Variants in GRID2 observed in about 807,000 individuals in gnomAD.
The protein encoded by GRID2 is glutamate ionotropic receptor delta type subunit 2.
A neutral mutation model predicts 114.8 loss-of-function variants in GRID2; 33 were observed. The observed-to-expected ratio is 0.29, with a 90% CI of 0.22 to 0.38. The LOEUF is 0.38. Among genes scored for constraint, GRID2 ranks in the 10% least tolerant of loss-of-function variants. The pLI, the probability that GRID2 is intolerant of heterozygous loss-of-function variation, is 1.00. For synonymous variants in GRID2, 505 were observed against 449.9 expected, an observed-to-expected ratio of 1.12 and a Z score of -1.55; for missense variants, 1,184 against 1,257.7, an observed-to-expected ratio of 0.94 and a Z score of 0.89.
At chr4:93,079,019 A>T (rs932245724) in intron 2 of GRID2, among the ~76,000 whole-genome samples, 4 of 150,760 alleles carry the variant, frequency 2.7e-5, no homozygotes, top group African/African-American at 9.7e-5. Context: ...CTACTACTTA[A>T]TAGCAATGTA....
chr4:93,102,783 T>C (rs1191510284), intron 3 of GRID2, among the ~76,000 whole-genome samples: 5 of 150,952 alleles, frequency 3.3e-5, no homozygotes, highest in Non-Finnish European at 3.0e-5. Context: ...CCCTGTTAAC[T>C]TAGAACTATG....
intron 2 of GRID2, among the ~76,000 whole-genome samples, chr4:92,750,041 A>G (rs1220904344): frequency 6.6e-6 from 1 of 152,062 alleles, no homozygotes; most frequent in African/African-American, 2.4e-5. Flanking sequence ...TGGTATTTTT[A>G]GTAGAGACAG....
intron 4 of GRID2, among the ~76,000 whole-genome samples, chr4:93,151,218 CCTTT>C (rs935710917): frequency 8.6e-5 from 13 of 151,994 alleles, no homozygotes; most frequent in African/African-American, 2.9e-4. Flanking sequence ...TGTCACCATC[CCTTT>C]CTTGGTGTTA....
At chr4:93,553,871 T>G (rs1181479122) in intron 13 of GRID2, among the ~76,000 whole-genome samples, 6 of 152,190 alleles carry the variant, frequency 3.9e-5, no homozygotes, top group Admixed American at 2.0e-4. Context: ...GTGTCCTAAT[T>G]TTTTGCCATG....
intron 1 of GRID2, among the ~76,000 whole-genome samples, chr4:92,443,246 G>A (rs927201720): frequency 6.6e-6 from 1 of 152,120 alleles, no homozygotes; most frequent in Non-Finnish European, 1.5e-5. Context: ...TTTAGATCTT[G>A]CAGGATGGAA....
chr4:92,816,342 G>C (rs1038892456), intron 2 of GRID2, among the ~76,000 whole-genome samples: 6 of 93,538 alleles, frequency 6.4e-5, no homozygotes, highest in Admixed American at 2.2e-4. Flanking sequence ...AAAAAAAAAA[G>C]TACATTTTAC....
chr4:93,328,270 GCC>G (rs201551467), intron 8 of GRID2, among the ~76,000 whole-genome samples: 1 of 127,072 alleles, frequency 7.9e-6, no homozygotes, highest in South Asian at 2.6e-4. Flanking sequence ...TATGTGATCT[GCC>G]CCTGTTTATC....
intron 1 of GRID2, among the ~76,000 whole-genome samples, chr4:92,548,401 A>T (rs1317529416): frequency 8.2e-5 from 5 of 60,808 alleles, no homozygotes; most frequent in Admixed American, 2.5e-4. Context: ...AGACTGTGTA[A>T]TTTTTTTTTT....
chr4:92,607,197 G>C (rs114949509), intron 2 of GRID2, among the ~76,000 whole-genome samples: 2,624 of 151,896 alleles, frequency 0.017, 56 homozygotes, highest in African/African-American at 0.06. Flanking sequence ...TTCCAATAAT[G>C]GAACACTAGG....
At chr4:93,810,118 C>G (rs1735103574) in exon 2 of GRID2, 1 of 152,162 alleles carries the variant, frequency 6.6e-6, no homozygotes, top group South Asian at 2.1e-4. Context: ...TAAGACTGGG[C>G]AGGGGATGGA....
intron 14 of GRID2, among the ~76,000 whole-genome samples, chr4:93,766,040 C>A (rs946889744): frequency 1.1e-4 from 16 of 152,072 alleles, no homozygotes; most frequent in Non-Finnish European, 1.9e-4. Flanking sequence ...GATTCATTTA[C>A]CAAAACTGTG....
At chr4:93,139,627 G>A (rs1394232019) in intron 4 of GRID2, among the ~76,000 whole-genome samples, 2 of 151,808 alleles carry the variant, frequency 1.3e-5, no homozygotes, top group Non-Finnish European at 2.9e-5. Context: ...AGCACACCAC[G>A]TCCTAAGGCC....
chr4:93,450,973 T>C (rs951569395), intron 10 of GRID2, among the ~76,000 whole-genome samples: 9 of 151,994 alleles, frequency 5.9e-5, no homozygotes, highest in African/African-American at 1.9e-4. Context: ...TCAATTTTCA[T>C]ATTGCCATTT....
intron 4 of GRID2, among the ~76,000 whole-genome samples, chr4:93,124,687 C>T (rs1160107103): frequency 6.6e-6 from 1 of 152,082 alleles, no homozygotes; most frequent in African/African-American, 2.4e-5. Flanking sequence ...AATGCCACCC[C>T]ATGAAGCTTT....
intron 1 of GRID2, among the ~76,000 whole-genome samples, chr4:92,482,007 T>G (rs1456890982): frequency 3.2e-5 from 2 of 62,658 alleles, no homozygotes; most frequent in African/African-American, 1.1e-4. Context: ...TATATATATA[T>G]ATATATATAT....
At position 93,075,392 on chromosome 4, in the gene GRID2, T is replaced by C. The variant is rs192523242; in HGVS notation, c.245-9603T>C. On this transcript the variant is annotated intron_variant, in intron 2 of 15. Transcript: ENST00000282020. Reference sequence around the variant, plus strand: ...ATTTTCAATTGTGAAAAACTGAATATTTTTCCCTAAAAATCAGGAAAAGGG... The same window carrying C: ...ATTTTCAATTGTGAAAAACTGAATACTTTTCCCTAAAAATCAGGAAAAGGG... Among the ~76,000 whole-genome samples the C allele has an allele frequency of 5.0e-3, 762 of 152,236 alleles. 13 individuals are homozygous for C. Among genetic ancestry groups the C allele is most frequent in the African/African-American group, 0.018 (731 of 41,542 alleles).
At chr4:92,420,145 A>T (rs1050972184) in intron 1 of GRID2, among the ~76,000 whole-genome samples, 11 of 152,072 alleles carry the variant, frequency 7.2e-5, no homozygotes, top group African/African-American at 2.7e-4. Context: ...CCCTTTGGAG[A>T]ATTCTGCTGT....
intron 2 of GRID2, among the ~76,000 whole-genome samples, chr4:92,661,271 T>A (rs1235773384): frequency 2.0e-5 from 3 of 150,980 alleles, no homozygotes; most frequent in Non-Finnish European, 3.0e-5. Context: ...CTAATTATAA[T>A]TATGACAAAT....
At chr4:93,373,746 G>T in intron 8 of GRID2, among the ~76,000 whole-genome samples, 1 of 152,192 alleles carries the variant, frequency 6.6e-6, no homozygotes, top group Admixed American at 6.5e-5. Flanking sequence ...TATGCATCTT[G>T]ACAGGTAGTG....
Sources: gnomAD v4.1 joint callset for allele counts (sites outside exome capture counted in the v4.1 genomes callset) on GRCh38, gnomAD v4.1.1 for gene constraint, MANE v1.5 for transcripts, NCBI Gene and HGNC (gene_info 2026-07-23, HGNC 2026-07-21) for gene names.